The following FURIN variants were observed in gnomAD, a reference collection of about 807,000 sequenced individuals.
FURIN encodes the protein FES upstream region.
Under a neutral mutation model 89.2 loss-of-function variants are expected in FURIN, and 18 were observed. The ratio of observed to expected loss-of-function variants is 0.20; its 90% CI spans 0.14 to 0.30. FURIN has a LOEUF of 0.30. Among genes scored for constraint, FURIN ranks in the 10% least tolerant of loss-of-function variants. The pLI, the probability that FURIN is intolerant of heterozygous loss-of-function variation, is 1.00. For synonymous variants in FURIN, 508 were observed against 466.4 expected (o/e 1.09, Z -1.15); for missense variants, 879 against 1,100.5 (o/e 0.80, Z 2.85).
chr15:90,876,246 C>T lies in FURIN; in HGVS notation c.178-9C>T. On this transcript the variant is annotated splice_polypyrimidine_tract_variant and intron_variant, in intron 2 of 15. Coordinates refer to ENST00000268171, the MANE Select transcript of FURIN (RefSeq NM_002569.4). This position sits in a 1 kb window ranked among gnomAD's most constrained non-coding sequence, Gnocchi z 5.0. ...GAAAGCCCAGCTCAGTCTCCCTGCTCTATTGCAGATCTTCGGGGACTATTA... is the reference window on the plus strand; with the variant it reads ...GAAAGCCCAGCTCAGTCTCCCTGCTTTATTGCAGATCTTCGGGGACTATTA... 1 of 1,572,568 alleles carries T rather than the reference C, an allele frequency of 6.4e-7. No homozygotes were observed. Among genetic ancestry groups the T allele is most frequent in the East Asian group, 2.2e-5 (1 of 44,718 alleles).
Position 90,880,870 on chromosome 15 carries a change from G to A in FURIN, c.1681+55G>A, listed in dbSNP as rs1449449552. 1.4e-5 allele frequency: 23 copies of A among 1,610,362 alleles called. No homozygotes were observed. The Admixed American group carries it at 2.2e-4, about 15-fold the overall frequency. On this transcript the variant is annotated intron_variant, in intron 14 of 15. Coordinates refer to ENST00000268171, the MANE Select transcript of FURIN (RefSeq NM_002569.4). Reference sequence around the variant, plus strand: ...CGAGGTGGAGGGCTGGCAGGATCTCGAGCACTGGGTGTGGTGCCAGCACTG... The same window carrying A: ...CGAGGTGGAGGGCTGGCAGGATCTCAAGCACTGGGTGTGGTGCCAGCACTG...
rs201369430 is a variant in FURIN, at chr15:90,880,715, G to C, written c.1581G>C (p.Gly527=). 3.8e-5 allele frequency: 61 copies of C among 1,613,936 alleles called. No individual in the cohort carries two copies. Among genetic ancestry groups the C allele is most frequent in the Non-Finnish European group, 5.1e-5 (60 of 1,179,976 alleles). The part of the protein sequence containing the change: ...AARPHDYSAD[G]FNDWAFMTTH... Reference sequence around the variant, plus strand: ...GGCCACATGACTACTCCGCAGATGGGTTTAATGACTGGGCCTTCATGACAA... The same window carrying C: ...GGCCACATGACTACTCCGCAGATGGCTTTAATGACTGGGCCTTCATGACAA... Residue 527 remains glycine, a synonymous_variant, in exon 14 of 16, where the codon GGG becomes GGC. Coordinates refer to ENST00000268171, the MANE Select transcript of FURIN (RefSeq NM_002569.4).
At position 90,880,345 on chromosome 15, in the gene FURIN, G is replaced by A. The variant is rs1037330963; in HGVS notation, c.1556+72G>A. ...ACAGCCCGCGTGCTTGCCTTTGCTC[G>A]CTCACACGGCCCAGGGGGCACTGAG... On this transcript the variant is annotated intron_variant, in intron 13 of 15. Transcript: ENST00000268171. The A allele has an allele frequency of 6.3e-6, 8 of 1,268,130 alleles. No homozygotes were observed. The Admixed American group carries it at 6.4e-5, about 10-fold the overall frequency. The allele number at this position is 1,268,130 out of a possible 1,614,324, so 78.6% of individuals were successfully genotyped here.
At chr15:90,875,460 AC>A (rs2031558333) in intron 1 of FURIN, 121 bp from the exon 2 acceptor site, 1 of 350,412 alleles carries the variant, frequency 2.9e-6, no homozygotes, top group African/African-American at 2.1e-5. Flanking sequence ...TAATTTTTTT[AC>A]CCTTCTCCCC....
At chr15:90,880,638 C>T (rs2031907330) in intron 13 of FURIN, 53 bp from the exon 14 acceptor site, 1 of 1,565,296 alleles carries the variant, frequency 6.4e-7, no homozygotes, top group African/African-American at 1.4e-5. Context: ...GTTAGATGTC[C>T]CTGGCTTGGG....
chr15:90,871,039 T>C (rs1396073998), intron 1 of FURIN, among the ~76,000 whole-genome samples: 1 of 152,176 alleles, frequency 6.6e-6, no homozygotes, highest in Non-Finnish European at 1.5e-5. Flanking sequence ...GCAGACGAAG[T>C]CGTGACTCCT....
Position 90,876,150 on chromosome 15 carries a change from C to T in FURIN, c.178-105C>T. ...GGACAGGGAGCAGATGCCCCGCACC[C>T]CCGACCGTGGCGAGCCTCCCATGAA... is the stretch of plus-strand genomic sequence containing the variant. On this transcript the variant is annotated intron_variant, in intron 2 of 15. Coordinates refer to ENST00000268171, the MANE Select transcript of FURIN (RefSeq NM_002569.4). This position sits in a 1 kb window ranked among gnomAD's most constrained non-coding sequence, Gnocchi z 5.0. The T allele has an allele frequency of 3.5e-6, 3 of 866,386 alleles. No individual in the cohort carries two copies. The highest frequency in any genetic ancestry group is 1.4e-5 in the South Asian group (1 of 69,588). The allele number at this position is 866,386 out of a possible 1,614,324, so 53.7% of individuals were successfully genotyped here.
In FURIN at chr15:90,876,307, T is replaced by C. The variant is rs143659625; in HGVS notation, c.230T>C (p.Leu77Pro). Residue 77 changes from leucine (L) to proline (P), a missense_variant, in exon 3 of 16, where the codon CTG becomes CCG. Coordinates refer to ENST00000268171, the MANE Select transcript of FURIN (RefSeq NM_002569.4). This position sits in a 1 kb window ranked among gnomAD's most constrained non-coding sequence, Gnocchi z 5.0. Reference protein sequence around the residue: ...FWHRGVTKRSLSPHRPRHSRL... With the variant: ...FWHRGVTKRSPSPHRPRHSRL... ...CATCGAGGAGTGACGAAGCGGTCCC[T>C]GTCGCCTCACCGCCCGCGGCACAGC... 2 of 1,613,068 alleles carry C rather than the reference T, an allele frequency of 1.2e-6. No homozygotes were observed. Among genetic ancestry groups the C allele is most frequent in the Non-Finnish European group, 1.7e-6 (2 of 1,179,300 alleles).
chr15:90,882,902 A>G lies in FURIN; in HGVS notation c.*1024A>G, dbSNP rs545270985. On this transcript the variant is annotated 3_prime_UTR_variant, in exon 16 of 16. Coordinates refer to ENST00000268171, the MANE Select transcript of FURIN (RefSeq NM_002569.4). ...GGCCCTGAGGTGTGGGGGCTGCAGCATGTTGCTGAGGAGTGAGGAATAGTT... is the reference window on the plus strand; with the variant it reads ...GGCCCTGAGGTGTGGGGGCTGCAGCGTGTTGCTGAGGAGTGAGGAATAGTT... 343 of 152,664 alleles carry G rather than the reference A, an allele frequency of 2.2e-3. 1 individual carries two copies. Among genetic ancestry groups the G allele is most frequent in the Non-Finnish European group, 4.3e-3 (292 of 68,126 alleles). The allele number at this position is 152,664 out of a possible 1,614,324, so 9.5% of individuals were successfully genotyped here. A position where few individuals can be genotyped will look rare whatever the true frequency, so the allele number is the denominator to read the frequency against.
chr15:90,881,890 C>A lies in FURIN; in HGVS notation c.*12C>A. The A allele has an allele frequency of 6.4e-7, 1 of 1,552,566 alleles. No homozygotes were observed. Among genetic ancestry groups the A allele is most frequent in the South Asian group, 1.1e-5 (1 of 88,468 alleles). The stretch of plus-strand genomic sequence containing the variant: ...AGAGCGCCCTCTGATGAGCCCACTG[C>A]CCACCCCCTCAAGCCAATCCCCTCC... On this transcript the variant is annotated 3_prime_UTR_variant, in exon 16 of 16. Transcript: ENST00000268171. This position sits in a 1 kb window ranked among gnomAD's most constrained non-coding sequence, Gnocchi z 4.3.
At chr15:90,877,806 G>C (rs2031720124) in intron 7 of FURIN, among the ~76,000 whole-genome samples, 191 bp downstream of exon 7, 1 of 152,180 alleles carries the variant, frequency 6.6e-6, no homozygotes, top group African/African-American at 2.4e-5. Context: ...GGGTTTCCTA[G>C]CAGGAGTCTC....
rs1347418392 is a variant in FURIN, at chr15:90,877,143, G to A, written c.510G>A (p.Gly170=). The A allele has an allele frequency of 1.2e-6, 2 of 1,611,586 alleles. No homozygotes were observed. The highest frequency in any genetic ancestry group is 1.7e-6 in the Non-Finnish European group (2 of 1,178,608). The part of the protein sequence containing the change: ...HPDLAGNYDP[G]ASFDVNDQDP... ...GGCCAAATCCTTCTTAGGATCCTGG[G>A]GCCAGTTTTGATGTCAATGACCAGG... The change falls in exon 6 of 16, where the codon GGG becomes GGA. Residue 170 remains glycine (G), a synonymous_variant. Coordinates refer to ENST00000268171, the MANE Select transcript of FURIN (RefSeq NM_002569.4).
Position 90,881,146 on chromosome 15 carries a change from G to A in FURIN, c.1792+106G>A, listed in dbSNP as rs2031942780. On this transcript the variant is annotated intron_variant, in intron 15 of 15. Transcript: ENST00000268171. This position sits in a 1 kb window ranked among gnomAD's most constrained non-coding sequence, Gnocchi z 4.3. ...AGAAAAAAGTCTCAAGAGACCTAGG[G>A]CCCCTGGGGCTCTTGGGATGACCAC... 2.7e-6 allele frequency: 3 copies of A among 1,094,300 alleles called. No homozygotes were observed. Among genetic ancestry groups the A allele is most frequent in the Admixed American group, 2.0e-5 (1 of 49,692 alleles). 67.8% of individuals were successfully genotyped at this position (1,094,300 alleles called of 1,614,324 possible).
At chr15:90,875,962 A>G (rs1450213735) in intron 2 of FURIN, 45 bp downstream of exon 2, 4 of 1,456,080 alleles carry the variant, frequency 2.7e-6, no homozygotes, top group Non-Finnish European at 3.7e-6. Flanking sequence ...GGGACCAGAG[A>G]AGACAGGGAT....
chr15:90,881,942 A>G lies in FURIN; in HGVS notation c.*64A>G. 1 of 1,170,134 alleles carries G rather than the reference A, an allele frequency of 8.5e-7. No individual in the cohort carries two copies. Among genetic ancestry groups the G allele is most frequent in the Admixed American group, 2.2e-5 (1 of 44,534 alleles). The allele number at this position is 1,170,134 out of a possible 1,614,324, so 72.5% of individuals were successfully genotyped here. A position where few individuals can be genotyped will look rare whatever the true frequency, so the allele number is the denominator to read the frequency against. ...TGGGCACTTTTTAATTCACCAAAGTATTTTTTTATCTTGGGACTGGGTTTG... is the reference window on the plus strand; with the variant it reads ...TGGGCACTTTTTAATTCACCAAAGTGTTTTTTTATCTTGGGACTGGGTTTG... On this transcript the variant is annotated 3_prime_UTR_variant, in exon 16 of 16. Coordinates refer to ENST00000268171, the MANE Select transcript of FURIN (RefSeq NM_002569.4). This position sits in a 1 kb window ranked among gnomAD's most constrained non-coding sequence, Gnocchi z 4.3.
intron 6 of FURIN, 43 bp downstream of exon 6, chr15:90,877,254 C>A: frequency 2.1e-6 from 3 of 1,460,106 alleles, no homozygotes; most frequent in Middle Eastern, 1.9e-4. Context: ...CTTCTCCTTT[C>A]TTCCACTAAG....
rs1015802918 is a variant in FURIN at position 90,879,503 on chromosome 15, C to T, written c.1113C>T (p.Ala371=). Residue 371 remains alanine (A), a synonymous_variant, in exon 10 of 16, where the codon GCC becomes GCT. Coordinates refer to ENST00000268171, the MANE Select transcript of FURIN (RefSeq NM_002569.4). Reference sequence around the variant, plus strand: ...CTCACACGGGCACCTCAGCCTCTGCCCCCTTAGCAGCCGGCATCATTGCTC... The same window carrying T: ...CTCACACGGGCACCTCAGCCTCTGCTCCCTTAGCAGCCGGCATCATTGCTC... ...TESHTGTSAS[A]PLAAGIIALT... 10 of 1,613,476 alleles carry T rather than the reference C, an allele frequency of 6.2e-6. No homozygotes were observed. In the African/African-American group the frequency reaches 1.2e-4, roughly 19 times the overall value.
At position 90,876,023 on chromosome 15, in the gene FURIN, C is replaced by T. The variant is rs575101315; in HGVS notation, c.177+106C>T. The stretch of plus-strand genomic sequence containing the variant: ...GTTTGCTCAGGGGCATCTGGGTAGC[C>T]GGCATGTTCTGGGTGGCCATGAGCA... On this transcript the variant is annotated intron_variant, in intron 2 of 15. Coordinates refer to ENST00000268171, the MANE Select transcript of FURIN (RefSeq NM_002569.4). The surrounding 1 kb of genome is among the most constrained non-coding windows in gnomAD (Gnocchi z 5.0). 1.3e-4 allele frequency: 140 copies of T among 1,042,144 alleles called. 3 individuals are homozygous for T. The South Asian group carries it at 1.9e-3, about 14-fold the overall frequency. 64.6% of individuals were successfully genotyped at this position (1,042,144 alleles called of 1,614,324 possible).
At position 90,881,102 on chromosome 15, in the gene FURIN, C is replaced by A; in HGVS notation, c.1792+62C>A. ...GTCTGGGGGTAAGGCGGGTGCCTGT[C>A]CTGAAGCCCAGCTCTAACAGAAAAA... On this transcript the variant is annotated intron_variant, in intron 15 of 15. Coordinates refer to ENST00000268171, the MANE Select transcript of FURIN (RefSeq NM_002569.4). This position sits in a 1 kb window ranked among gnomAD's most constrained non-coding sequence, Gnocchi z 4.3. 6 of 1,310,574 alleles carry A rather than the reference C, an allele frequency of 4.6e-6. No individual in the cohort carries two copies. In the South Asian group the frequency reaches 5.9e-5, roughly 13 times the overall value. The allele number at this position is 1,310,574 out of a possible 1,614,324, so 81.2% of individuals were successfully genotyped here.
Sources: allele counts gnomAD v4.1 joint callset (sites outside exome capture counted in the v4.1 genomes callset), GRCh38; gene constraint gnomAD v4.1.1; non-coding constraint Gnocchi (gnomAD v3.1); transcripts MANE v1.5; gene names NCBI Gene and HGNC (gene_info 2026-07-23, HGNC 2026-07-21).